Variants in GRM8 observed in about 807,000 individuals in gnomAD.
GRM8 encodes the protein glutamate metabotropic receptor 8, also known as metabotropic glutamate receptor 8.
Under a neutral mutation model 87.2 loss-of-function variants are expected in GRM8, and 47 were observed. The observed-to-expected ratio is 0.54, with a 90% CI of 0.43 to 0.69. GRM8 has a LOEUF of 0.69. Among genes scored for constraint, GRM8 ranks in the 30% least tolerant of loss-of-function variants. GRM8 has a pLI of 0.00. For missense variants in GRM8, 1,019 were observed against 1,139.2 expected (o/e 0.89, Z 1.52); for synonymous variants, 396 against 404.5 (o/e 0.98, Z 0.25).
Position 127,063,892 on chromosome 7 carries a change from T to A in GRM8, c.727+42604A>T, listed in dbSNP as rs573329152. Among the ~76,000 whole-genome samples, 15 of 152,346 alleles carry A rather than the reference T, an allele frequency of 9.8e-5. No homozygotes were observed. The South Asian group carries it at 2.9e-3, about 29-fold the overall frequency. On this transcript the variant is annotated intron_variant, in intron 3 of 10. Coordinates refer to ENST00000339582, the MANE Select transcript of GRM8 (RefSeq NM_000845.3). ...AATTTCACTATTTACCCAAAAGTCATTCAGGAGCATGTTGTTTAATTTCCA... is the reference window on the plus strand; with the variant it reads ...AATTTCACTATTTACCCAAAAGTCAATCAGGAGCATGTTGTTTAATTTCCA...
intron 8 of GRM8, among the ~76,000 whole-genome samples, chr7:126,585,197 TA>T (rs1795985070): frequency 6.6e-6 from 1 of 151,980 alleles, no homozygotes; most frequent in Non-Finnish European, 1.5e-5. Flanking sequence ...AATAAATAAT[TA>T]GAGAATATAT....
chr7:126,477,843 A>T (rs926682400), intron 9 of GRM8, among the ~76,000 whole-genome samples: 3 of 152,174 alleles, frequency 2.0e-5, no homozygotes, highest in Non-Finnish European at 4.4e-5. Context: ...GGGTGGATAG[A>T]AGAAACAACA....
intron 2 of GRM8, among the ~76,000 whole-genome samples, chr7:127,143,793 G>A (rs1828404943): frequency 6.6e-6 from 1 of 152,024 alleles, no homozygotes; most frequent in Admixed American, 6.6e-5. Flanking sequence ...CCCCTTGTTT[G>A]CTTTTAATCA....
At chr7:126,461,996 G>A (rs1356205941) in intron 9 of GRM8, among the ~76,000 whole-genome samples, 3 of 151,588 alleles carry the variant, frequency 2.0e-5, no homozygotes, top group African/African-American at 7.3e-5. Context: ...AGAAGGGATG[G>A]ATATTTCTCA....
chr7:126,878,773 C>G (rs1799760457), intron 6 of GRM8, among the ~76,000 whole-genome samples: 1 of 152,052 alleles, frequency 6.6e-6, no homozygotes, highest in Non-Finnish European at 1.5e-5. Context: ...ATTATCCACC[C>G]ATTTTGGCCT....
intron 9 of GRM8, chr7:126,465,196 C>T (rs1380126224): frequency 1.3e-5 from 2 of 151,682 alleles, no homozygotes; most frequent in Non-Finnish European, 2.9e-5. Flanking sequence ...GTATCAATAC[C>T]TGCTGCTTTG....
At chr7:126,997,307 G>C (rs1035200898) in intron 3 of GRM8, among the ~76,000 whole-genome samples, 2 of 151,508 alleles carry the variant, frequency 1.3e-5, no homozygotes, top group East Asian at 3.9e-4. Flanking sequence ...AGTACTAAGA[G>C]GAAAATATAT....
chr7:126,587,903 C>T (rs1411188743), intron 8 of GRM8, among the ~76,000 whole-genome samples: 8 of 144,810 alleles, frequency 5.5e-5, no homozygotes, highest in Admixed American at 6.8e-5. Flanking sequence ...TTAAAAATCC[C>T]AAGATTAAAA....
At chr7:126,869,061 G>A (rs183356042) in intron 6 of GRM8, 4 of 152,264 alleles carry the variant, frequency 2.6e-5, no homozygotes, top group Non-Finnish European at 5.9e-5. Context: ...GAAATTATAA[G>A]TCTTTGTTGA....
At chr7:126,839,120 G>A (rs1424476485) in intron 6 of GRM8, among the ~76,000 whole-genome samples, 2 of 152,070 alleles carry the variant, frequency 1.3e-5, no homozygotes, top group South Asian at 2.1e-4. Flanking sequence ...TTTTTGGCCG[G>A]GAACTATACC....
intron 7 of GRM8, among the ~76,000 whole-genome samples, chr7:126,703,688 T>A (rs996348386): frequency 6.6e-6 from 1 of 152,178 alleles, no homozygotes; most frequent in African/African-American, 2.4e-5. Context: ...ATCTTTCAAG[T>A]GTCTAGGACT....
chr7:126,854,142 T>G (rs1797469195), intron 6 of GRM8, among the ~76,000 whole-genome samples: 1 of 152,166 alleles, frequency 6.6e-6, no homozygotes, highest in South Asian at 2.1e-4. Flanking sequence ...AGAAAATGAG[T>G]TGCTCCCAAG....
chr7:127,110,913 C>T (rs1016088903), intron 2 of GRM8: 4 of 152,192 alleles, frequency 2.6e-5, no homozygotes, highest in Non-Finnish European at 5.9e-5. Flanking sequence ...ACATCTCAGG[C>T]TTCTTTTCTC....
chr7:127,212,892 C>T (rs548057259), intron 2 of GRM8, among the ~76,000 whole-genome samples: 1 of 152,282 alleles, frequency 6.6e-6, no homozygotes, highest in South Asian at 2.1e-4. Context: ...TCACTTTAGG[C>T]TTCTGGTCAA....
At chr7:126,490,806 C>T (rs1415204736) in intron 9 of GRM8, among the ~76,000 whole-genome samples, 3 of 152,104 alleles carry the variant, frequency 2.0e-5, no homozygotes, top group Non-Finnish European at 4.4e-5. Context: ...GCTTACACTA[C>T]ATTGTAGACT....
chr7:126,708,228 A>C (rs1034153807), intron 7 of GRM8, among the ~76,000 whole-genome samples: 5 of 152,118 alleles, frequency 3.3e-5, no homozygotes, highest in Non-Finnish European at 7.4e-5. Context: ...AAAATGAAAG[A>C]TAAATGCTGT....
chr7:127,050,648 A>G (rs1819371996), intron 3 of GRM8, among the ~76,000 whole-genome samples: 1 of 152,194 alleles, frequency 6.6e-6, no homozygotes, highest in African/African-American at 2.4e-5. Context: ...CAGGAGTGAG[A>G]GTGAACTTCA....
At position 126,843,218 on chromosome 7, in the gene GRM8, G is replaced by A. The variant is rs567430079; in HGVS notation, c.1156+59324C>T. Among the ~76,000 whole-genome samples, 5 of 152,222 alleles carry A rather than the reference G, an allele frequency of 3.3e-5. No homozygotes were observed. The South Asian group carries it at 1.0e-3, about 32-fold the overall frequency. On this transcript the variant is annotated intron_variant, in intron 6 of 10. Transcript: ENST00000339582. Reference sequence around the variant, plus strand: ...GTTTCATTTCATGTCAGTTTTGGCAGATCTGGACTTCAGTAACTAGCAGTG... The same window carrying A: ...GTTTCATTTCATGTCAGTTTTGGCAAATCTGGACTTCAGTAACTAGCAGTG...
At chr7:126,749,736 A>G (rs1419444026) in intron 7 of GRM8, among the ~76,000 whole-genome samples, 1 of 152,080 alleles carries the variant, frequency 6.6e-6, no homozygotes, top group Non-Finnish European at 1.5e-5. Flanking sequence ...AAAGATACAC[A>G]AGATAACTAG....
Sources: gnomAD v4.1 joint callset for allele counts (sites outside exome capture counted in the v4.1 genomes callset) on GRCh38, gnomAD v4.1.1 for gene constraint, MANE v1.5 for transcripts, NCBI Gene and HGNC (gene_info 2026-07-23, HGNC 2026-07-21) for gene names.